GK: variants seen among roughly 807,000 people sequenced by gnomAD.
GK encodes ATP:glycerol 3-phosphotransferase.
GK carries 9 observed loss-of-function variants against 56.4 expected under a neutral mutation model. The observed-to-expected ratio is 0.16, with a 90% CI of 0.10 to 0.28. The LOEUF (loss-of-function observed/expected upper bound fraction) is 0.28. Among genes scored for constraint, GK ranks in the 10% least tolerant of loss-of-function variants. The pLI is 1.00. For missense variants in GK, 161 were observed against 431.4 expected (o/e 0.37, Z 5.55); for synonymous variants, 104 against 144.1 (o/e 0.72, Z 1.99).
At chrX:30,667,078 C>T (rs988190283) in intron 2 of GK, among the ~76,000 whole-genome samples, 76 of 110,673 alleles carry the variant, frequency 6.9e-4, no homozygotes, top group African/African-American at 2.4e-3. Flanking sequence ...GGCGTGAACC[C>T]GAGAGGCGGA....
At chrX:30,671,859 T>A (rs1933529648) in intron 3 of GK, 1 of 111,205 alleles carries the variant, frequency 9.0e-6, no homozygotes, top group South Asian at 3.8e-4. Context: ...TACAAAGAGT[T>A]ACGGCTGGGC....
chrX:30,712,849 C>G (rs1316991690), intron 13 of GK, among the ~76,000 whole-genome samples: 1 of 106,959 alleles, frequency 9.3e-6, no homozygotes, highest in Non-Finnish European at 1.9e-5. Context: ...CTCAGCCTCC[C>G]GAGTAGCTGG....
At chrX:30,685,711 G>A (rs1441779173) in intron 4 of GK, among the ~76,000 whole-genome samples, 1 of 111,844 alleles carries the variant, frequency 8.9e-6, no homozygotes, top group Non-Finnish European at 1.9e-5. Context: ...TTTTTATCCC[G>A]TTAAGACTGT....
At chrX:30,659,440 G>A (rs2147124046) in intron 1 of GK, among the ~76,000 whole-genome samples, 1 of 112,653 alleles carries the variant, frequency 8.9e-6, no homozygotes, top group East Asian at 2.8e-4. Context: ...ACATATTTGT[G>A]GCTAATATTT....
chrX:30,695,080 C>A, intron 6 of GK: 1 of 458,674 alleles, frequency 2.2e-6, no homozygotes, highest in Non-Finnish European at 3.5e-6. Context: ...TTTCTCCCCA[C>A]AGATAATTTT....
At chrX:30,670,207 A>G (rs1205836581) in intron 3 of GK, among the ~76,000 whole-genome samples, 1 of 111,949 alleles carries the variant, frequency 8.9e-6, no homozygotes, top group Non-Finnish European at 1.9e-5. Context: ...AAATTACCAA[A>G]GACGTAAGTA....
chrX:30,666,836 C>T (rs1259496686), intron 2 of GK, among the ~76,000 whole-genome samples: 1 of 111,828 alleles, frequency 8.9e-6, no homozygotes, highest in African/African-American at 3.2e-5. Flanking sequence ...TATAAATACA[C>T]AGAAGGAGAC....
intron 1 of GK, among the ~76,000 whole-genome samples, chrX:30,655,574 G>A (rs994702146): frequency 8.9e-6 from 1 of 112,372 alleles, no homozygotes; most frequent in African/African-American, 3.2e-5. Context: ...CACTGTGGGG[G>A]CCAAACCAAG....
intron 7 of GK, 81 bp from the exon 8 acceptor site, chrX:30,696,536 C>A: frequency 1.4e-6 from 1 of 708,251 alleles, no homozygotes; most frequent in Non-Finnish European, 2.2e-6. Context: ...GTTATTTATG[C>A]TTTTTGCATT....
At chrX:30,701,010 A>G in intron 11 of GK, 105 bp downstream of exon 11, 1 of 543,291 alleles carries the variant, frequency 1.8e-6, no homozygotes, top group Non-Finnish European at 3.3e-6. Flanking sequence ...GAAAATCAAT[A>G]GCTTAATAGC....
intron 19 of GK, among the ~76,000 whole-genome samples, chrX:30,725,273 CT>C (rs1937085293): frequency 8.9e-6 from 1 of 112,005 alleles, no homozygotes; most frequent in Non-Finnish European, 1.9e-5. Flanking sequence ...TTAGGAGAAG[CT>C]TCCAGAACTA....
intron 1 of GK, 78 bp downstream of exon 1, chrX:30,653,693 C>A: frequency 1.1e-6 from 1 of 917,079 alleles, no homozygotes; most frequent in Non-Finnish European, 1.6e-6. Context: ...TGTTGTGTCC[C>A]CATCCCGCAT....
At chrX:30,697,865 C>T (rs1935325684) in intron 9 of GK, 116 bp downstream of exon 9, 11 of 569,388 alleles carry the variant, frequency 1.9e-5, no homozygotes, top group South Asian at 9.8e-5. Flanking sequence ...CTAGAATTTC[C>T]GTGACCTTCC....
At chrX:30,723,653 T>C in intron 18 of GK, 1 of 164,807 alleles carries the variant, frequency 6.1e-6, no homozygotes, top group Non-Finnish European at 1.2e-5. Flanking sequence ...GACCGAGTCT[T>C]GCTCTGTCAC....
intron 4 of GK, among the ~76,000 whole-genome samples, chrX:30,680,414 T>A (rs1289759035): frequency 8.9e-6 from 1 of 111,991 alleles, no homozygotes; most frequent in Non-Finnish European, 1.9e-5. Context: ...AAGCTTGTGT[T>A]CTAATTTGGG....
chrX:30,700,204 T>C, intron 9 of GK: 1 of 391,974 alleles, frequency 2.6e-6, no homozygotes, highest in Non-Finnish European at 4.4e-6. Flanking sequence ...TAACGTTTTA[T>C]GTTCATTCTC....
chrX:30,672,821 A>C (rs1933627473), intron 3 of GK, among the ~76,000 whole-genome samples: 1 of 111,881 alleles, frequency 8.9e-6, no homozygotes, highest in Admixed American at 9.5e-5. Flanking sequence ...TCTCAAAAAA[A>C]AAATGAAAAT....
chrX:30,729,969 A>G lies in GK; in HGVS notation c.*1227A>G, dbSNP rs972960209. On this transcript the variant is annotated 3_prime_UTR_variant, in exon 21 of 21. Coordinates refer to ENST00000427190, the MANE Select transcript of GK (RefSeq NM_001205019.2). ...AATCTCTTTCAGTTCAAATGTTATC[A>G]ATTGTTAATAAGAAATTGCTATCTG... 1.8e-5 allele frequency: 2 copies of G among 112,335 alleles called. No individual in the cohort carries two copies. Among genetic ancestry groups the G allele is most frequent in the Admixed American group, 1.9e-4 (2 of 10,526 alleles). The allele number at this position is 112,335 out of a possible 1,213,427, so 9.3% of individuals were successfully genotyped here.
chrX:30,674,466 G>A (rs1225970951), intron 3 of GK: 3 of 304,829 alleles, frequency 9.8e-6, no homozygotes, highest in South Asian at 3.0e-5. Context: ...CACTTGTGCT[G>A]GTAATCCATC....
Sources: allele counts gnomAD v4.1 joint callset (sites outside exome capture counted in the v4.1 genomes callset), GRCh38; gene constraint gnomAD v4.1.1; transcripts MANE v1.5; gene names NCBI Gene and HGNC (gene_info 2026-07-23, HGNC 2026-07-21).